SCD5: variants seen among roughly 807,000 people sequenced by gnomAD.
SCD5 encodes the protein acyl-CoA-desaturase 4.
In SCD5, 20 loss-of-function variants were observed where a neutral mutation model predicts 30.4. The ratio of observed to expected loss-of-function variants is 0.66; its 90% CI spans 0.46 to 0.96. The LOEUF is 0.96. SCD5 is among the 40% of genes least tolerant of loss of function. The probability of loss-of-function intolerance (pLI) is 0.00; values close to 1 mark genes in which losing one functional copy is unlikely to be tolerated. For missense variants in SCD5, 381 were observed against 443.3 expected (o/e 0.86, Z 1.26); for synonymous variants, 173 against 176.4 (o/e 0.98, Z 0.16).
chr4:82,790,627 T>C (rs1331107028), intron 1 of SCD5, among the ~76,000 whole-genome samples: 2 of 152,178 alleles, frequency 1.3e-5, no homozygotes, highest in Admixed American at 6.5e-5. Flanking sequence ...GGATGGTGTC[T>C]TGAGGGGTGT....
intron 3 of SCD5, among the ~76,000 whole-genome samples, chr4:82,678,040 C>G (rs1232823475): frequency 6.6e-6 from 1 of 152,004 alleles, no homozygotes; most frequent in Admixed American, 6.6e-5. Flanking sequence ...ATTCCTCTAC[C>G]TTAATCATTC....
At chr4:82,731,816 C>T (rs1720648977) in intron 1 of SCD5, among the ~76,000 whole-genome samples, 3 of 152,194 alleles carry the variant, frequency 2.0e-5, no homozygotes. Context: ...CCCAGACCTG[C>T]TCCCCATTCC....
At chr4:82,769,638 G>A (rs182877443) in intron 1 of SCD5, among the ~76,000 whole-genome samples, 45 of 152,106 alleles carry the variant, frequency 3.0e-4, no homozygotes, top group African/African-American at 9.9e-4. Context: ...ACTGCAAAGT[G>A]GTTAAAAATG....
intron 1 of SCD5, among the ~76,000 whole-genome samples, chr4:82,785,467 T>C (rs1721966331): frequency 6.6e-6 from 1 of 152,248 alleles, no homozygotes; most frequent in Non-Finnish European, 1.5e-5. Context: ...TCGTTTGTCC[T>C]GTCACTTCCT....
chr4:82,784,435 T>C (rs1445033462), intron 1 of SCD5, among the ~76,000 whole-genome samples: 1 of 152,166 alleles, frequency 6.6e-6, no homozygotes, highest in Non-Finnish European at 1.5e-5. Context: ...CAAAAAGAAA[T>C]AGCTTCGCAA....
In SCD5 at chr4:82,718,559, C is replaced by A. The variant is rs72916900; in HGVS notation, c.233-13146G>T. On this transcript the variant is annotated intron_variant, in intron 1 of 4. Transcript: ENST00000319540. ...AGCGAGGTGTACTTGCTGCTCCCCC[C>A]ACCAAAAAGTTACAAAACACATTTT... Among the ~76,000 whole-genome samples, 588 of 151,840 alleles carry A rather than the reference C, an allele frequency of 3.9e-3. 17 individuals are homozygous for A. The highest frequency in any genetic ancestry group is 0.014 in the African/African-American group (559 of 41,162).
chr4:82,705,391 G>A lies in SCD5; in HGVS notation c.255C>T (p.Ala85=), dbSNP rs374544503. The part of the protein sequence containing the change: ...LLWAYFCFLL[A]ALGVTAGAHR... ...GGGCACCAGCTGTCACACCCAGAGC[G>A]GCCAGGAGGAAGCAGAAGTAGGCTG... Residue 85 remains alanine (A), a synonymous_variant, in exon 2 of 5, where the codon GCC becomes GCT. Transcript: ENST00000319540. 13 of 1,614,060 alleles carry A rather than the reference G, an allele frequency of 8.1e-6. No individual in the cohort carries two copies. Among genetic ancestry groups the A allele is most frequent in the African/African-American group, 5.3e-5 (4 of 74,930 alleles).
chr4:82,696,106 A>G (rs891671209), intron 2 of SCD5, among the ~76,000 whole-genome samples: 1 of 152,246 alleles, frequency 6.6e-6, no homozygotes, highest in African/African-American at 2.4e-5. Context: ...GATTTACATG[A>G]AAAGCTATGA....
At chr4:82,696,289 A>C (rs973553915) in intron 2 of SCD5, among the ~76,000 whole-genome samples, 7 of 152,238 alleles carry the variant, frequency 4.6e-5, no homozygotes, top group African/African-American at 1.4e-4. Flanking sequence ...GAGCGTGATA[A>C]GGCATTGAGG....
intron 1 of SCD5, among the ~76,000 whole-genome samples, chr4:82,788,140 T>C (rs1173398977): frequency 6.6e-6 from 1 of 152,178 alleles, no homozygotes; most frequent in Admixed American, 6.5e-5. Flanking sequence ...CATATATGAA[T>C]AAGGAAGTGG....
chr4:82,732,875 A>C (rs930026353), intron 1 of SCD5, among the ~76,000 whole-genome samples: 4 of 152,160 alleles, frequency 2.6e-5, no homozygotes, highest in Admixed American at 2.6e-4. Flanking sequence ...TGGTTCTCAA[A>C]GTGTGATTCC....
At chr4:82,758,179 C>T (rs1468049333) in intron 1 of SCD5, among the ~76,000 whole-genome samples, 1 of 152,196 alleles carries the variant, frequency 6.6e-6, no homozygotes, top group Admixed American at 6.5e-5. Flanking sequence ...AACACTACAA[C>T]CAGTGGGGTG....
chr4:82,640,974 G>C (rs530053868), intron 3 of SCD5, among the ~76,000 whole-genome samples: 32 of 152,284 alleles, frequency 2.1e-4, no homozygotes, highest in African/African-American at 7.2e-4. Flanking sequence ...ACTACACAAC[G>C]CCTTCTAGCT....
chr4:82,701,447 ATTACT>A (rs1480487649), intron 2 of SCD5, among the ~76,000 whole-genome samples: 17 of 152,272 alleles, frequency 1.1e-4, no homozygotes, highest in African/African-American at 4.1e-4. Context: ...TATATCAATA[ATTACT>A]TTAAGTGTGA....
Position 82,724,108 on chromosome 4 carries a change from A to C in SCD5, c.233-18695T>G, listed in dbSNP as rs954960226. The stretch of plus-strand genomic sequence containing the variant: ...TATGGCAAATGTTAATAATTATTGA[A>C]TCTAGTGGTAGATATATGGGTGTTT... On this transcript the variant is annotated intron_variant, in intron 1 of 4. Transcript: ENST00000319540. Among the ~76,000 whole-genome samples, 27 of 152,358 alleles carry C rather than the reference A, an allele frequency of 1.8e-4. 2 individuals are homozygous for C. Among genetic ancestry groups the C allele is most frequent in the African/African-American group, 6.5e-4 (27 of 41,586 alleles).
chr4:82,779,969 T>C (rs1418419174), intron 1 of SCD5, among the ~76,000 whole-genome samples: 1 of 152,230 alleles, frequency 6.6e-6, no homozygotes, highest in Non-Finnish European at 1.5e-5. Flanking sequence ...AAATAACTTT[T>C]GTTCTCAAAG....
At chr4:82,676,814 C>G (rs1728446286) in intron 3 of SCD5, among the ~76,000 whole-genome samples, 1 of 152,232 alleles carries the variant, frequency 6.6e-6, no homozygotes, top group Admixed American at 6.5e-5. Flanking sequence ...CCACTGGCTT[C>G]TCTCCCTTGC....
At chr4:82,712,797 C>A (rs1005071869) in intron 1 of SCD5, among the ~76,000 whole-genome samples, 1 of 152,164 alleles carries the variant, frequency 6.6e-6, no homozygotes, top group Non-Finnish European at 1.5e-5. Flanking sequence ...AGGACCTCTA[C>A]GGCTACTTAT....
chr4:82,768,222 G>A (rs1359267190), intron 1 of SCD5, among the ~76,000 whole-genome samples: 1 of 152,184 alleles, frequency 6.6e-6, no homozygotes, highest in East Asian at 1.9e-4. Context: ...TGAGGGAACT[G>A]AGACTCAAGA....
Sources: allele counts gnomAD v4.1 joint callset (sites outside exome capture counted in the v4.1 genomes callset), GRCh38; gene constraint gnomAD v4.1.1; transcripts MANE v1.5; gene names NCBI Gene and HGNC (gene_info 2026-07-23, HGNC 2026-07-21).